The following NKAIN2 variants were observed in gnomAD, a reference collection of about 807,000 sequenced individuals.
The protein encoded by NKAIN2 is sodium/potassium transporting ATPase interacting 2.
NKAIN2 carries 14 observed loss-of-function variants against 32.6 expected under a neutral mutation model. The observed-to-expected ratio is 0.43, with a 90% CI of 0.28 to 0.67. The LOEUF is 0.67. NKAIN2 is among the 30% of genes least tolerant of loss of function. NKAIN2 has a pLI of 0.17. For synonymous variants in NKAIN2, 80 were observed against 87.2 expected (o/e 0.92, Z 0.46); for missense variants, 198 against 258.3 (o/e 0.77, Z 1.60).
intron 3 of NKAIN2, among the ~76,000 whole-genome samples, chr6:124,563,461 C>T (rs955592055): frequency 6.6e-6 from 1 of 152,124 alleles, no homozygotes; most frequent in East Asian, 1.9e-4. Flanking sequence ...TGCTTCTTTG[C>T]GCCTCTTCTC....
intron 1 of NKAIN2, among the ~76,000 whole-genome samples, chr6:124,182,859 CA>C (rs1267637640): frequency 3.3e-5 from 5 of 152,074 alleles, no homozygotes; most frequent in African/African-American, 1.2e-4. Context: ...GGCAAACATA[CA>C]GATGAGAAGT....
intron 1 of NKAIN2, among the ~76,000 whole-genome samples, chr6:123,839,600 A>G (rs1435157944): frequency 6.6e-6 from 1 of 152,098 alleles, no homozygotes; most frequent in African/African-American, 2.4e-5. Context: ...ATTTCTTTTC[A>G]CTTTGGCTGT....
At chr6:124,623,407 AAATT>A (rs1478789528) in intron 3 of NKAIN2, among the ~76,000 whole-genome samples, 1 of 152,192 alleles carries the variant, frequency 6.6e-6, no homozygotes, top group Non-Finnish European at 1.5e-5. Flanking sequence ...TAGAAAACTA[AAATT>A]AATTTCTTAG....
At chr6:123,914,682 G>GC (rs1675063204) in intron 1 of NKAIN2, among the ~76,000 whole-genome samples, 1 of 152,138 alleles carries the variant, frequency 6.6e-6, no homozygotes, top group Admixed American at 6.5e-5. Flanking sequence ...TCATACCCCG[G>GC]CTGTCTCACT....
chr6:123,998,307 G>A (rs986428550), intron 1 of NKAIN2, among the ~76,000 whole-genome samples: 5 of 152,052 alleles, frequency 3.3e-5, no homozygotes, highest in African/African-American at 1.2e-4. Context: ...ATTCAAAACT[G>A]TGTATTGCTA....
chr6:124,471,206 T>G (rs138498902), intron 3 of NKAIN2, among the ~76,000 whole-genome samples: 63 of 152,326 alleles, frequency 4.1e-4, no homozygotes, highest in Non-Finnish European at 6.9e-4. Context: ...ATATCCTTCC[T>G]TTCAAATAAA....
chr6:124,499,153 CA>C (rs1332935574), intron 3 of NKAIN2, among the ~76,000 whole-genome samples: 1 of 152,170 alleles, frequency 6.6e-6, no homozygotes, highest in African/African-American at 2.4e-5. Flanking sequence ...ATGATTGCTA[CA>C]AGTTAATTTA....
At chr6:124,609,924 G>A (rs1359384888) in intron 3 of NKAIN2, among the ~76,000 whole-genome samples, 1 of 152,068 alleles carries the variant, frequency 6.6e-6, no homozygotes, top group Non-Finnish European at 1.5e-5. Flanking sequence ...GACAATAATA[G>A]TAATCTACCT....
At chr6:124,649,699 G>A (rs1345466528) in intron 3 of NKAIN2, among the ~76,000 whole-genome samples, 1 of 152,098 alleles carries the variant, frequency 6.6e-6, no homozygotes, top group Non-Finnish European at 1.5e-5. Context: ...CATGAACACA[G>A]ATGCAAAGAC....
intron 3 of NKAIN2, among the ~76,000 whole-genome samples, chr6:124,409,571 T>A (rs1377004750): frequency 6.6e-6 from 1 of 152,210 alleles, no homozygotes; most frequent in African/African-American, 2.4e-5. Context: ...ATAAGCTTTT[T>A]GATGTGTTGC....
intron 3 of NKAIN2, among the ~76,000 whole-genome samples, chr6:124,609,916 C>CAAT (rs2114995464): frequency 6.6e-6 from 1 of 152,178 alleles, no homozygotes; most frequent in South Asian, 2.1e-4. Flanking sequence ...GCAATAGAGA[C>CAAT]AATAATAGTA....
At chr6:124,737,797 A>T (rs554251204) in intron 4 of NKAIN2, among the ~76,000 whole-genome samples, 2 of 152,012 alleles carry the variant, frequency 1.3e-5, no homozygotes, top group East Asian at 3.9e-4. Context: ...ACTTGTTGAG[A>T]ACTGGAGCAA....
At chr6:124,298,693 A>G (rs1452111946) in intron 2 of NKAIN2, among the ~76,000 whole-genome samples, 4 of 152,220 alleles carry the variant, frequency 2.6e-5, no homozygotes, top group Non-Finnish European at 5.9e-5. Context: ...CCAGAAAAGC[A>G]GTTTCTTGCC....
At chr6:124,412,539 T>A (rs945731027) in intron 3 of NKAIN2, among the ~76,000 whole-genome samples, 2 of 152,174 alleles carry the variant, frequency 1.3e-5, no homozygotes, top group Non-Finnish European at 2.9e-5. Context: ...CTGGAAGTTT[T>A]GTCTCAGAGG....
chr6:124,440,413 A>C (rs375214278), intron 3 of NKAIN2, among the ~76,000 whole-genome samples: 16 of 152,164 alleles, frequency 1.1e-4, no homozygotes, highest in African/African-American at 3.9e-4. Context: ...ATTAGTCCTG[A>C]ATTTCCTTCA....
At chr6:124,561,175 G>A (rs1453531740) in intron 3 of NKAIN2, among the ~76,000 whole-genome samples, 3 of 152,188 alleles carry the variant, frequency 2.0e-5, no homozygotes, top group African/African-American at 7.2e-5. Flanking sequence ...GCCACTGTAG[G>A]AGACCTTAGG....
chr6:124,390,960 T>C (rs1773117539), intron 3 of NKAIN2: 1 of 152,090 alleles, frequency 6.6e-6, no homozygotes, highest in Non-Finnish European at 1.5e-5. Flanking sequence ...TCTAAAAATA[T>C]GTTAAAAGTT....
chr6:124,751,443 G>A (rs1375672405), intron 4 of NKAIN2, among the ~76,000 whole-genome samples: 1 of 151,990 alleles, frequency 6.6e-6, no homozygotes, highest in Non-Finnish European at 1.5e-5. Flanking sequence ...AGAGGGGAAT[G>A]CTAAGGTCCT....
chr6:124,755,443 CTT>C (rs1231016426), intron 4 of NKAIN2, among the ~76,000 whole-genome samples: 2 of 152,212 alleles, frequency 1.3e-5, no homozygotes, highest in African/African-American at 4.8e-5. Flanking sequence ...AGAAACAACA[CTT>C]TACCAACTAT....
Sources: gnomAD v4.1 joint callset for allele counts (sites outside exome capture counted in the v4.1 genomes callset) on GRCh38, gnomAD v4.1.1 for gene constraint, MANE v1.5 for transcripts, NCBI Gene and HGNC (gene_info 2026-07-23, HGNC 2026-07-21) for gene names.